IPMK: variants seen among roughly 807,000 people sequenced by gnomAD.
IPMK encodes inositol polyphosphate multikinase.
Under a neutral mutation model 45.8 loss-of-function variants are expected in IPMK, and 17 were observed. The observed-to-expected ratio is 0.37, with a 90% CI of 0.25 to 0.56. The LOEUF (loss-of-function observed/expected upper bound fraction) is 0.56. Ranked by LOEUF, IPMK falls within the 20% of genes least tolerant of loss-of-function variation. IPMK has a pLI of 0.79. For synonymous variants in IPMK, 180 were observed against 184.3 expected, an observed-to-expected ratio of 0.98 and a Z score of 0.19; for missense variants, 399 against 498.0, an observed-to-expected ratio of 0.80 and a Z score of 1.89.
intron 1 of IPMK, among the ~76,000 whole-genome samples, chr10:58,258,970 G>A (rs930653805): frequency 6.6e-6 from 1 of 152,188 alleles, no homozygotes; most frequent in Non-Finnish European, 1.5e-5. Context: ...ATATACTGAT[G>A]TTTTGAGGAG....
chr10:58,267,395 G>C, intron 1 of IPMK, 27 bp downstream of exon 1: 16 of 1,610,292 alleles, frequency 9.9e-6, no homozygotes, highest in Non-Finnish European at 1.3e-5. Context: ...GAAGGGGAGC[G>C]GCGAGACCTA....
intron 1 of IPMK, among the ~76,000 whole-genome samples, chr10:58,241,675 TAGA>T (rs1261732828): frequency 2.0e-5 from 3 of 152,118 alleles, no homozygotes; most frequent in Non-Finnish European, 4.4e-5. Context: ...TCTTAGCTTG[TAGA>T]AGGTCACCTT....
intron 4 of IPMK, among the ~76,000 whole-genome samples, chr10:58,210,020 T>C (rs982577367): frequency 6.6e-6 from 1 of 151,938 alleles, no homozygotes; most frequent in Admixed American, 6.6e-5. Flanking sequence ...TTATGTCTTA[T>C]CAGGGCAGGT....
intron 3 of IPMK, among the ~76,000 whole-genome samples, chr10:58,222,378 T>C (rs2790240): frequency 0.34 from 51,441 of 152,050 alleles, 10,948 homozygotes; most frequent in African/African-American, 0.61. Flanking sequence ...TCTATATACC[T>C]CTCATAGACG....
intron 4 of IPMK, among the ~76,000 whole-genome samples, chr10:58,203,153 A>G (rs1447418636): frequency 6.6e-6 from 1 of 152,194 alleles, no homozygotes; most frequent in African/African-American, 2.4e-5. Context: ...ACCCTCATGG[A>G]TGACTTTGAG....
At chr10:58,265,625 T>G (rs1256243094) in intron 1 of IPMK, among the ~76,000 whole-genome samples, 1 of 152,220 alleles carries the variant, frequency 6.6e-6, no homozygotes, top group Non-Finnish European at 1.5e-5. Context: ...TCTACTATGG[T>G]GACACAAACA....
chr10:58,260,585 T>G (rs1839049341), intron 1 of IPMK, among the ~76,000 whole-genome samples: 1 of 152,182 alleles, frequency 6.6e-6, no homozygotes, highest in African/African-American at 2.4e-5. Flanking sequence ...TAACAATTGA[T>G]AAATCCAGAT....
intron 3 of IPMK, among the ~76,000 whole-genome samples, chr10:58,223,967 T>C (rs1041441966): frequency 6.6e-6 from 1 of 152,224 alleles, no homozygotes; most frequent in Admixed American, 6.5e-5. Flanking sequence ...TTAAACCTCT[T>C]TTCTTTATAA....
chr10:58,257,276 C>T (rs1838984254), intron 1 of IPMK, among the ~76,000 whole-genome samples: 1 of 152,130 alleles, frequency 6.6e-6, no homozygotes, highest in Admixed American at 6.5e-5. Flanking sequence ...GGGTTGATCG[C>T]CTGAGGTCAG....
chr10:58,227,310 G>GT (rs11398218), intron 2 of IPMK, among the ~76,000 whole-genome samples, 171 bp from the exon 3 acceptor site: 51,435 of 152,006 alleles, frequency 0.34, 10,932 homozygotes, highest in African/African-American at 0.61. Context: ...GAGTAACTAT[G>GT]TATTTAGAGT....
chr10:58,259,394 C>G (rs1236930461), intron 1 of IPMK, among the ~76,000 whole-genome samples: 1 of 151,792 alleles, frequency 6.6e-6, no homozygotes, highest in Non-Finnish European at 1.5e-5. Context: ...TCTGAGACAA[C>G]CATAACATCA....
chr10:58,217,866 T>C (rs949115917), intron 3 of IPMK, among the ~76,000 whole-genome samples: 2 of 151,490 alleles, frequency 1.3e-5, no homozygotes, highest in African/African-American at 4.9e-5. Flanking sequence ...AATAAAAGAG[T>C]ACCGGGGTAA....
At chr10:58,244,536 C>T (rs929087402) in intron 1 of IPMK, among the ~76,000 whole-genome samples, 2 of 152,058 alleles carry the variant, frequency 1.3e-5, no homozygotes, top group African/African-American at 2.4e-5. Context: ...CCAACAGCTC[C>T]GAAGAGACAG....
chr10:58,246,783 C>G (rs1331050105), intron 1 of IPMK, among the ~76,000 whole-genome samples: 2 of 152,070 alleles, frequency 1.3e-5, no homozygotes, highest in East Asian at 3.9e-4. Flanking sequence ...GCAATGGCAA[C>G]AAAAGCCAAA....
intron 1 of IPMK, 26 bp from the exon 2 acceptor site, chr10:58,237,840 T>G: frequency 6.7e-7 from 1 of 1,499,050 alleles, no homozygotes; most frequent in Middle Eastern, 1.7e-4. Context: ...CAGAAATTGT[T>G]TAATGCTTTA....
chr10:58,262,027 G>A (rs1417132751), intron 1 of IPMK, among the ~76,000 whole-genome samples: 1 of 152,128 alleles, frequency 6.6e-6, no homozygotes, highest in Non-Finnish European at 1.5e-5. Flanking sequence ...CTCACTCATA[G>A]GTGGGAACTG....
intron 1 of IPMK, among the ~76,000 whole-genome samples, chr10:58,257,014 C>T (rs115846091): frequency 0.061 from 9,299 of 152,126 alleles, 334 homozygotes; most frequent in African/African-American, 0.089. Flanking sequence ...GCTGGTAAGC[C>T]GTGATCACAC....
rs539589933 is a variant in IPMK at position 58,199,314 on chromosome 10, T to A, written c.554A>T (p.His185Leu). 2 of 1,600,894 alleles carry A rather than the reference T, an allele frequency of 1.2e-6. No individual in the cohort carries two copies. Among genetic ancestry groups the A allele is most frequent in the African/African-American group, 2.7e-5 (2 of 74,596 alleles). Residue 185 changes from histidine (H) to leucine (L), a missense_variant, in exon 5 of 6, where the codon CAT becomes CTT. Transcript: ENST00000373935. ...TGTCTCATAGCTATCGGAATGAACA[T>A]GATAAACCTGTCAAAAAAAGCAGTG... ...GFLVLGMRVYHVHSDSYETEN... is the reference protein window; with the variant it reads ...GFLVLGMRVYLVHSDSYETEN...
chr10:58,236,099 C>CT (rs35225105), intron 2 of IPMK, among the ~76,000 whole-genome samples: 49,196 of 146,400 alleles, frequency 0.34, 9,880 homozygotes, highest in African/African-American at 0.58. Context: ...TGGGTTAATT[C>CT]TTTTTTTTTT....
Sources: allele counts gnomAD v4.1 joint callset (sites outside exome capture counted in the v4.1 genomes callset), GRCh38; gene constraint gnomAD v4.1.1; transcripts MANE v1.5; gene names NCBI Gene and HGNC (gene_info 2026-07-23, HGNC 2026-07-21).